The following DMXL2 variants were observed in gnomAD, a reference collection of about 807,000 sequenced individuals.
DMXL2 encodes dmX-like protein 2.
DMXL2 carries 103 observed loss-of-function variants against 331.1 expected under a neutral mutation model. That is an observed-to-expected ratio of 0.31 (90% CI 0.27 to 0.37). The LOEUF is 0.37. Ranked by LOEUF, DMXL2 falls within the 10% of genes least tolerant of loss-of-function variation. The pLI is 1.00. For missense variants in DMXL2, 3,171 were observed against 3,642.9 expected (o/e 0.87, Z 3.33); for synonymous variants, 1,281 against 1,252.1 (o/e 1.02, Z -0.49).
intron 34 of DMXL2, 121 bp from the exon 35 acceptor site, chr15:51,458,916 AGC>A: frequency 1.2e-6 from 1 of 844,506 alleles, no homozygotes; most frequent in Admixed American, 2.6e-5. Flanking sequence ...CAGCAGCAGC[AGC>A]AAGAAAAAAG....
chr15:51,605,500 C>G (rs1567177925), intron 1 of DMXL2, among the ~76,000 whole-genome samples: 2 of 147,240 alleles, frequency 1.4e-5, no homozygotes, highest in African/African-American at 5.0e-5. Flanking sequence ...CCGGCCCAGC[C>G]CATACAGATT....
chr15:51,565,013 G>T lies in DMXL2; in HGVS notation c.364+75C>A, dbSNP rs925172743. 8.4e-6 allele frequency: 7 copies of T among 829,340 alleles called. No individual in the cohort carries two copies. The Admixed American group carries it at 1.9e-4, about 22-fold the overall frequency. The allele number at this position is 829,340 out of a possible 1,614,324, so 51.4% of individuals were successfully genotyped here. On this transcript the variant is annotated intron_variant, in intron 4 of 43. Transcript: ENST00000560891. ...CATTGATCATTTTCTTATTATGGGA[G>T]ACTATATCACATTATTATCATACAT... is the stretch of plus-strand genomic sequence containing the variant.
Position 51,536,721 on chromosome 15 carries a change from C to A in DMXL2, c.1759G>T (p.Gly587Cys), listed in dbSNP as rs1388255008. The part of the protein sequence containing the change: ...TLLHQEGMSV[G>C]SPHGSQPHSR... ...TGTGGCTGTGATCCGTGAGGACTGC[C>A]TACAGACATCCCCTCCTGGTGTAAC... Residue 587 changes from glycine to cysteine, a missense_variant, in exon 12 of 44, where the codon GGC (glycine) becomes TGC (cysteine). Gly to Cys is a radical substitution (Grantham distance 159). Around this residue, in one of 7 missense-constraint regions of DMXL2, gnomAD observed 1,674 missense variants for 1,780.2 expected, o/e 0.94. Coordinates refer to ENST00000560891, the MANE Select transcript of DMXL2 (RefSeq NM_001378457.1). The A allele has an allele frequency of 6.2e-7, 1 of 1,614,020 alleles. No homozygotes were observed. The highest frequency in any genetic ancestry group is 8.5e-7 in the Non-Finnish European group (1 of 1,179,972).
chr15:51,476,720 C>T lies in DMXL2; in HGVS notation c.6834-1G>A. On this transcript the variant is annotated splice_acceptor_variant, in intron 26 of 43. Transcript: ENST00000560891. LOFTEE classifies it high-confidence loss of function. ...AAACTGATTTCCTTCTGTTTGACTG[C>T]TAAAACAAATAGGTTCAGTTATTTA... 6.3e-7 allele frequency: 1 copy of T among 1,593,800 alleles called. No homozygotes were observed. The highest frequency in any genetic ancestry group is 8.5e-7 in the Non-Finnish European group (1 of 1,174,870).
At chr15:51,605,347 T>A (rs1004193599) in intron 1 of DMXL2, among the ~76,000 whole-genome samples, 2 of 151,592 alleles carry the variant, frequency 1.3e-5, no homozygotes, top group Non-Finnish European at 1.5e-5. Context: ...ACTACAGGCG[T>A]GTGCCACCAT....
intron 17 of DMXL2, among the ~76,000 whole-genome samples, chr15:51,502,357 C>T (rs545388181): frequency 1.7e-4 from 24 of 143,598 alleles, no homozygotes; most frequent in Admixed American, 7.4e-4. Context: ...CTCACTGTGT[C>T]GCCCGCCCAG....
chr15:51,535,669 T>C lies in DMXL2; in HGVS notation c.2430A>G (p.Glu810=). 1 of 1,595,820 alleles carries C rather than the reference T, an allele frequency of 6.3e-7. No individual in the cohort carries two copies. The highest frequency in any genetic ancestry group is 8.5e-7 in the Non-Finnish European group (1 of 1,173,326). Residue 810 remains glutamate (E), a synonymous_variant, in exon 13 of 44, where the codon GAA becomes GAG. Transcript: ENST00000560891. ...AAGATTATTAAATACTTACTGAAGA[T>C]TCTGGGTCTGACAATTCATCTAATA... ...RKLLDELSDP[E]SSKLIGEVFN... is the part of the protein sequence containing the mutation.
At chr15:51,456,424 G>T in intron 37 of DMXL2, 55 bp from the exon 38 acceptor site, 1 of 1,042,892 alleles carries the variant, frequency 9.6e-7, no homozygotes, top group Non-Finnish European at 1.4e-6. Context: ...AGATGAGGAA[G>T]GATATGCTTC....
intron 20 of DMXL2, 73 bp downstream of exon 20, chr15:51,491,505 G>C (rs1242405252): frequency 2.1e-6 from 3 of 1,440,008 alleles, no homozygotes; most frequent in Non-Finnish European, 2.8e-6. Context: ...CAGGTTTTCT[G>C]GGAGATAGTA....
In DMXL2 at chr15:51,499,077, T is replaced by G; in HGVS notation, c.4147A>C (p.Arg1383=). Residue 1383 remains arginine (R), a synonymous_variant, in exon 18 of 44, where the codon AGA becomes CGA. Coordinates refer to ENST00000560891, the MANE Select transcript of DMXL2 (RefSeq NM_001378457.1). ...KCIAGEVAIV[R]DPDAGEGTKR... ...GTTCCTTCTCCAGCATCAGGATCTC[T>G]AACTATTGCTACTTCACCTGCAATA... 6.2e-7 allele frequency: 1 copy of G among 1,613,944 alleles called. No homozygotes were observed. The highest frequency in any genetic ancestry group is 8.5e-7 in the Non-Finnish European group (1 of 1,179,928).
chr15:51,501,119 AT>A (rs1308026170), intron 17 of DMXL2, among the ~76,000 whole-genome samples: 5 of 152,188 alleles, frequency 3.3e-5, no homozygotes, highest in Non-Finnish European at 7.3e-5. Context: ...ATTTTGAAAG[AT>A]TAACAAACTG....
chr15:51,581,892 A>C (rs1370111221), intron 1 of DMXL2, among the ~76,000 whole-genome samples: 4 of 152,202 alleles, frequency 2.6e-5, no homozygotes, highest in Non-Finnish European at 5.9e-5. Flanking sequence ...GACCAAAAAA[A>C]AGAAACAAAA....
chr15:51,560,993 TAAAA>T (rs35051365), intron 6 of DMXL2, among the ~76,000 whole-genome samples: 1 of 151,276 alleles, frequency 6.6e-6, no homozygotes, highest in Non-Finnish European at 1.5e-5. Context: ...TTTTGTAATT[TAAAA>T]AAAATCAGAG....
rs201956343 is a variant in DMXL2, at chr15:51,514,510, A to G, written c.2576T>C (p.Ile859Thr). 8.8e-5 allele frequency: 141 copies of G among 1,598,482 alleles called. No homozygotes were observed. Among genetic ancestry groups the G allele is most frequent in the Non-Finnish European group, 1.1e-4 (134 of 1,173,174 alleles). ...LLHVFQEDFIIGYKPHKEDME... is the reference protein window; with the variant it reads ...LLHVFQEDFITGYKPHKEDME... The stretch of plus-strand genomic sequence containing the variant: ...ATCTTCCTTATGTGGTTTATATCCT[A>G]TAATGAAGTCTTCTTGAAACACATG... The change falls in exon 15 of 44, where the codon ATA (isoleucine) becomes ACA (threonine). Residue 859 changes from isoleucine (I) to threonine (T), a missense_variant. By Grantham distance (89) the Ile-to-Thr change is moderately conservative. Coordinates refer to ENST00000560891, the MANE Select transcript of DMXL2 (RefSeq NM_001378457.1).
chr15:51,458,519 T>G lies in DMXL2; in HGVS notation c.8185A>C (p.Arg2729=), dbSNP rs1030150568. The change falls in exon 36 of 44, where the codon AGA becomes CGA. Residue 2729 remains arginine (R), a synonymous_variant. Transcript: ENST00000560891. ...TATGAGACAAACCTTTTGGATTCTC[T>G]GTCATATTCTTCTCCGATCCATATG... ...SYIWIGEEYD[R]ESKSSDDVDY... is the part of the protein sequence containing the mutation. 10 of 1,613,504 alleles carry G rather than the reference T, an allele frequency of 6.2e-6. No individual in the cohort carries two copies. In the African/African-American group the frequency reaches 1.2e-4, roughly 19 times the overall value.
intron 1 of DMXL2, among the ~76,000 whole-genome samples, chr15:51,605,514 A>ATTTTTTT (rs2053520971): frequency 2.7e-5 from 1 of 36,868 alleles, no homozygotes; most frequent in African/African-American, 6.9e-5. Context: ...ACAGATTAAT[A>ATTTTTTT]TTCTTTTTTT....
intron 36 of DMXL2, among the ~76,000 whole-genome samples, 156 bp downstream of exon 36, chr15:51,458,349 CA>C: frequency 6.6e-6 from 1 of 152,282 alleles, no homozygotes; most frequent in East Asian, 1.9e-4. Flanking sequence ...TTAATGTAGA[CA>C]AAGACTTTCA....
At chr15:51,580,067 T>C (rs954716939) in intron 1 of DMXL2, among the ~76,000 whole-genome samples, 28 of 152,182 alleles carry the variant, frequency 1.8e-4, no homozygotes, top group African/African-American at 6.5e-4. Flanking sequence ...AGAAGGAGTG[T>C]GTTCATTTTT....
intron 20 of DMXL2, among the ~76,000 whole-genome samples, chr15:51,488,875 T>C (rs1394615782): frequency 6.6e-6 from 1 of 152,218 alleles, no homozygotes; most frequent in African/African-American, 2.4e-5. Flanking sequence ...CCAGCACTTA[T>C]TGACTATTTA....
Sources: gnomAD v4.1 joint callset for allele counts (sites outside exome capture counted in the v4.1 genomes callset) on GRCh38, gnomAD v4.1.1 for gene constraint, gnomAD v4.1.1 regional missense constraint, MANE v1.5 for transcripts, NCBI Gene and HGNC (gene_info 2026-07-23, HGNC 2026-07-21) for gene names.